The following KLHL32 variants were observed in gnomAD, a reference collection of about 807,000 sequenced individuals.
The protein encoded by KLHL32 is kelch like family member 32.
KLHL32 carries 35 observed loss-of-function variants against 64.8 expected under a neutral mutation model. That is an observed-to-expected ratio of 0.54 (90% CI 0.41 to 0.72). KLHL32 has a LOEUF of 0.72. Among genes scored for constraint, KLHL32 ranks in the 30% least tolerant of loss-of-function variants. The pLI is 0.00. For synonymous variants in KLHL32, 259 were observed against 281.0 expected (o/e 0.92, Z 0.78); for missense variants, 589 against 768.5 (o/e 0.77, Z 2.76).
chr6:97,063,892 G>A (rs150955051), intron 4 of KLHL32, among the ~76,000 whole-genome samples: 18 of 152,268 alleles, frequency 1.2e-4, no homozygotes, highest in African/African-American at 4.1e-4. Flanking sequence ...CAACATGGTC[G>A]TGTGCCTTTT....
intron 3 of KLHL32, among the ~76,000 whole-genome samples, chr6:97,031,090 C>T (rs1183532042): frequency 1.3e-5 from 2 of 152,122 alleles, no homozygotes; most frequent in African/African-American, 4.8e-5. Flanking sequence ...AGACTTTGAC[C>T]TTCCTCCTGG....
intron 3 of KLHL32, among the ~76,000 whole-genome samples, chr6:96,997,078 A>G (rs1251251894): frequency 2.0e-5 from 3 of 152,094 alleles, no homozygotes; most frequent in Non-Finnish European, 4.4e-5. Flanking sequence ...CATGGGAGCA[A>G]AGGGATGTTC....
intron 6 of KLHL32, among the ~76,000 whole-genome samples, chr6:97,108,542 G>A (rs1796708407): frequency 6.6e-6 from 1 of 152,120 alleles, no homozygotes; most frequent in Admixed American, 6.5e-5. Flanking sequence ...ACAGCACAGA[G>A]GTGATTTTGA....
At chr6:97,035,710 A>C (rs1784193580) in intron 3 of KLHL32, among the ~76,000 whole-genome samples, 1 of 151,968 alleles carries the variant, frequency 6.6e-6, no homozygotes, top group Non-Finnish European at 1.5e-5. Context: ...TGTCTTATGG[A>C]GGTGGTTCCC....
At chr6:96,943,329 C>A (rs1771550957) in intron 1 of KLHL32, among the ~76,000 whole-genome samples, 1 of 151,136 alleles carries the variant, frequency 6.6e-6, no homozygotes, top group Non-Finnish European at 1.5e-5. Flanking sequence ...CTCTTGGTGT[C>A]ATTCACACAA....
chr6:97,060,676 G>A (rs1186975706), intron 4 of KLHL32, among the ~76,000 whole-genome samples: 1 of 152,116 alleles, frequency 6.6e-6, no homozygotes, highest in African/African-American at 2.4e-5. Context: ...TACCAACCCT[G>A]CTTGGATTGG....
chr6:97,107,301 AAAG>A (rs929184789), intron 6 of KLHL32, among the ~76,000 whole-genome samples: 3 of 152,186 alleles, frequency 2.0e-5, no homozygotes, highest in African/African-American at 4.8e-5. Flanking sequence ...CAAAAAAAAA[AAAG>A]AAGTTATGTT....
intron 7 of KLHL32, 145 bp downstream of exon 7, chr6:97,114,654 G>C: frequency 1.1e-6 from 1 of 897,386 alleles, no homozygotes; most frequent in South Asian, 1.5e-5. Context: ...CATTTATTGA[G>C]CACCTACTCT....
chr6:97,127,500 A>T, intron 8 of KLHL32, 38 bp downstream of exon 8: 1 of 1,516,736 alleles, frequency 6.6e-7, no homozygotes, highest in Non-Finnish European at 9.1e-7. Flanking sequence ...ATCTTAATTA[A>T]TGAATTTTAA....
intron 2 of KLHL32, 51 bp downstream of exon 2, chr6:96,967,134 G>A: frequency 6.5e-7 from 1 of 1,543,270 alleles, no homozygotes. Flanking sequence ...CCTGAAATAA[G>A]TGCATTGCAC....
intron 1 of KLHL32, among the ~76,000 whole-genome samples, chr6:96,944,895 G>A (rs1771744832): frequency 6.6e-6 from 1 of 152,192 alleles, no homozygotes; most frequent in Non-Finnish European, 1.5e-5. Context: ...AAGGAAAAGA[G>A]CTTTTCATGG....
chr6:97,034,415 C>G (rs1482282625), intron 3 of KLHL32, among the ~76,000 whole-genome samples: 1 of 152,024 alleles, frequency 6.6e-6, no homozygotes, highest in Admixed American at 6.6e-5. Flanking sequence ...ATTACTGTAG[C>G]TTTGTAATAT....
intron 2 of KLHL32, among the ~76,000 whole-genome samples, chr6:96,972,510 G>C (rs895119718): frequency 6.6e-6 from 1 of 152,120 alleles, no homozygotes; most frequent in African/African-American, 2.4e-5. Flanking sequence ...AGAGAAAGAG[G>C]TTGCATTGGG....
intron 6 of KLHL32, among the ~76,000 whole-genome samples, chr6:97,108,971 C>T (rs542230620): frequency 3.3e-5 from 5 of 152,272 alleles, no homozygotes; most frequent in East Asian, 1.9e-4. Flanking sequence ...AATACAGCTT[C>T]GTAGAGTAAC....
upstream of KLHL32, among the ~76,000 whole-genome samples, chr6:96,923,328 C>T (rs1187594186): frequency 2.0e-5 from 3 of 152,162 alleles, no homozygotes; most frequent in African/African-American, 7.2e-5. Flanking sequence ...AAGACGCTTT[C>T]ATATTCGATT....
At chr6:97,111,469 G>A (rs1435108418) in intron 6 of KLHL32, among the ~76,000 whole-genome samples, 2 of 152,170 alleles carry the variant, frequency 1.3e-5, no homozygotes, top group Non-Finnish European at 2.9e-5. Flanking sequence ...ACTCGAACCC[G>A]CTGCACCCAA....
upstream of KLHL32, among the ~76,000 whole-genome samples, chr6:96,924,100 T>G (rs1294291899): frequency 6.6e-6 from 1 of 152,234 alleles, no homozygotes; most frequent in Non-Finnish European, 1.5e-5. Context: ...TTGGTTCCCC[T>G]GACGTTTCTT....
intron 3 of KLHL32, among the ~76,000 whole-genome samples, chr6:96,986,216 G>A (rs181622257): frequency 1.4e-4 from 21 of 152,114 alleles, no homozygotes; most frequent in African/African-American, 4.1e-4. Flanking sequence ...TGTTGCTGCC[G>A]GATCGTTCCT....
At chr6:96,948,528 A>G (rs564868691) in intron 1 of KLHL32, among the ~76,000 whole-genome samples, 4 of 152,276 alleles carry the variant, frequency 2.6e-5, no homozygotes, top group South Asian at 2.1e-4. Context: ...TATTGAAATC[A>G]TAGGATATAC....
Sources: allele counts gnomAD v4.1 joint callset (sites outside exome capture counted in the v4.1 genomes callset), GRCh38; gene constraint gnomAD v4.1.1; transcripts MANE v1.5; gene names NCBI Gene and HGNC (gene_info 2026-07-23, HGNC 2026-07-21).